Variants in DROSHA observed in about 807,000 individuals in gnomAD.
DROSHA encodes the protein ribonuclease 3.
In DROSHA, 56 loss-of-function variants were observed where a neutral mutation model predicts 181.9. The observed-to-expected ratio is 0.31, with a 90% CI of 0.25 to 0.38. The LOEUF (loss-of-function observed/expected upper bound fraction) is 0.38, where lower values mean the gene tolerates loss of function less well. Among genes scored for constraint, DROSHA ranks in the 10% least tolerant of loss-of-function variants. The probability of loss-of-function intolerance (pLI) is 1.00; values close to 1 mark genes in which losing one functional copy is unlikely to be tolerated. For synonymous variants in DROSHA, 524 were observed against 591.2 expected (o/e 0.89, Z 1.65); for missense variants, 1,218 against 1,743.5 (o/e 0.70, Z 5.37).
chr5:31,424,371 G>C (rs1444822735), intron 28 of DROSHA, 56 bp downstream of exon 28: 2 of 1,558,122 alleles, frequency 1.3e-6, no homozygotes, highest in African/African-American at 1.4e-5. Context: ...GCAAAGGAAA[G>C]TAACATGAAT....
chr5:31,508,841 T>C, intron 9 of DROSHA, 66 bp from the exon 10 acceptor site: 1 of 851,048 alleles, frequency 1.2e-6, no homozygotes. Flanking sequence ...TTTTTTTCCC[T>C]GAGTTGGAGT....
chr5:31,468,199 C>G (rs1749314532), intron 17 of DROSHA, 136 bp from the exon 18 acceptor site: 1 of 954,400 alleles, frequency 1.0e-6, no homozygotes. Context: ...ATTTAAAACC[C>G]TTTAATTACA....
Position 31,410,850 on chromosome 5 carries a change from G to C in DROSHA, c.3563C>G (p.Ala1188Gly), listed in dbSNP as rs1371391530. ...CATGCCCAGCTCCTCCGCTACCTTG[G>C]CCTGAGTTCTATTATTCACCAAAGA... is the stretch of plus-strand genomic sequence containing the variant. ...RSSLVNNRTQ[A>G]KVAEELGMQE... The change falls in exon 31 of 36, where the codon GCC becomes GGC. Residue 1188 changes from alanine (A) to glycine (G), a missense_variant. Physicochemically the swap from Ala to Gly is moderately conservative, Grantham distance 60. This residue lies in a region of DROSHA where 23 missense variants were observed against 90.6 expected (regional missense o/e 0.25). Coordinates refer to ENST00000344624, the MANE Select transcript of DROSHA (RefSeq NM_001382508.1). 24 of 1,613,800 alleles carry C rather than the reference G, an allele frequency of 1.5e-5. No homozygotes were observed. The highest frequency in any genetic ancestry group is 2.0e-5 in the Non-Finnish European group (24 of 1,179,826).
Position 31,526,738 on chromosome 5 carries a change from G to A in DROSHA, c.195C>T (p.Asn65=). 1 of 1,582,004 alleles carries A rather than the reference G, an allele frequency of 6.3e-7. No individual in the cohort carries two copies. Among genetic ancestry groups the A allele is most frequent in the Non-Finnish European group, 8.6e-7 (1 of 1,166,546 alleles). ...GAGGGAGAAAATTGGGGGCTGGAGA[G>A]TTTGAGAAAGTGGTGGAAGGGGCAC... is the stretch of plus-strand genomic sequence containing the variant. ...PPSAPSTTFS[N]SPAPNFLPPR... is the part of the protein sequence containing the mutation. The change falls in exon 5 of 36, where the codon AAC becomes AAT. Residue 65 remains asparagine (N), a synonymous_variant. Coordinates refer to ENST00000344624, the MANE Select transcript of DROSHA (RefSeq NM_001382508.1).
intron 10 of DROSHA, among the ~76,000 whole-genome samples, chr5:31,508,025 G>C (rs1738191097): frequency 6.6e-6 from 1 of 152,042 alleles, no homozygotes; most frequent in Non-Finnish European, 1.5e-5. Flanking sequence ...TTACAGATAT[G>C]CCTTAGCTTC....
At chr5:31,471,962 T>C (rs1419174575) in intron 17 of DROSHA, 101 bp downstream of exon 17, 1 of 1,124,078 alleles carries the variant, frequency 8.9e-7, no homozygotes, top group Non-Finnish European at 1.2e-6. Context: ...GAGCAGTGAC[T>C]ACCTAAAACT....
intron 10 of DROSHA, among the ~76,000 whole-genome samples, chr5:31,506,955 T>C (rs1039612791): frequency 1.3e-5 from 2 of 152,122 alleles, no homozygotes; most frequent in Admixed American, 1.3e-4. Context: ...GAATTTCTGA[T>C]AGAAACAGGT....
At chr5:31,529,659 T>C (rs1741011094) in intron 3 of DROSHA, among the ~76,000 whole-genome samples, 1 of 145,544 alleles carries the variant, frequency 6.9e-6, no homozygotes, top group African/African-American at 2.6e-5. Flanking sequence ...GACATGAACC[T>C]GGGAGGCAGA....
At chr5:31,529,607 C>T (rs1356633076) in intron 3 of DROSHA, among the ~76,000 whole-genome samples, 10 of 151,758 alleles carry the variant, frequency 6.6e-5, no homozygotes, top group Non-Finnish European at 1.5e-4. Flanking sequence ...TGGTGGTGGG[C>T]GCCTGTAGTC....
intron 6 of DROSHA, among the ~76,000 whole-genome samples, chr5:31,518,805 T>G (rs6450848): frequency 0.98 from 148,542 of 152,320 alleles, 72,464 homozygotes; most frequent in East Asian, 1. Context: ...AGACATTTCA[T>G]CATGTTCTAA....
intron 30 of DROSHA, among the ~76,000 whole-genome samples, chr5:31,418,279 G>C (rs185113670): frequency 1.3e-3 from 202 of 152,016 alleles, no homozygotes; most frequent in African/African-American, 4.6e-3. Flanking sequence ...GAGAGAGAGA[G>C]ACACAGAGAG....
rs1741285535 is a variant in DROSHA, at chr5:31,411,373, T to C, written c.3526-486A>G. ...TCCAAACAAATTCCCAGCATCTCCA[T>C]GCAGTGAATCCTTCCCAACCCCTGA... On this transcript the variant is annotated intron_variant, in intron 30 of 35. Transcript: ENST00000344624. This position sits in a 1 kb window ranked among gnomAD's most constrained non-coding sequence, Gnocchi z 4.2. Among the ~76,000 whole-genome samples, 1 of 152,134 alleles carries C rather than the reference T, an allele frequency of 6.6e-6. No homozygotes were observed. Among genetic ancestry groups the C allele is most frequent in the Admixed American group, 6.6e-5 (1 of 15,266 alleles).
intron 23 of DROSHA, among the ~76,000 whole-genome samples, chr5:31,441,133 A>G (rs1007372821): frequency 6.6e-6 from 1 of 151,534 alleles, no homozygotes; most frequent in East Asian, 1.9e-4. Flanking sequence ...AAAAAAAAAA[A>G]GGGCAGGCCA....
chr5:31,454,833 G>C (rs1018793935), intron 20 of DROSHA, among the ~76,000 whole-genome samples: 7 of 151,498 alleles, frequency 4.6e-5, no homozygotes, highest in Admixed American at 2.6e-4. Context: ...CCTGCTACTC[G>C]GGAGGCTGAG....
chr5:31,469,779 T>C (rs1018918781), intron 17 of DROSHA, among the ~76,000 whole-genome samples: 2 of 152,196 alleles, frequency 1.3e-5, no homozygotes, highest in Non-Finnish European at 2.9e-5. Context: ...CTACACCCTA[T>C]AACATTTATT....
In DROSHA at chr5:31,484,079, A is replaced by T. The variant is rs560111696; in HGVS notation, c.1997-451T>A. Among the ~76,000 whole-genome samples the T allele has an allele frequency of 2.0e-5, 3 of 152,280 alleles. No individual in the cohort carries two copies. The East Asian group carries it at 5.8e-4, about 29-fold the overall frequency. On this transcript the variant is annotated intron_variant, in intron 15 of 35. Transcript: ENST00000344624. ...TAAGTAACTGTTTGCTAGAATACGG[A>T]TACTTCCAACCGCTGGGCGCAGTGG...
intron 17 of DROSHA, among the ~76,000 whole-genome samples, chr5:31,471,019 C>T (rs1749663681): frequency 6.6e-6 from 1 of 152,122 alleles, no homozygotes; most frequent in South Asian, 2.1e-4. Context: ...TGTGGCTTAA[C>T]AGTATAACAG....
chr5:31,464,981 A>T (rs866836745), intron 19 of DROSHA, among the ~76,000 whole-genome samples: 12 of 151,784 alleles, frequency 7.9e-5, no homozygotes, highest in Admixed American at 1.3e-4. Flanking sequence ...CCCACTATTG[A>T]TTAAGTTCCT....
Position 31,405,667 on chromosome 5 carries a change from A to C in DROSHA, c.3994+10T>G. On this transcript the variant is annotated intron_variant, in intron 35 of 35. Transcript: ENST00000344624. ...TATGAACATAATTATAGAAAAAAAA[A>C]CAGGCTTACATTTTTCAAGCGCATC... 2 of 1,553,578 alleles carry C rather than the reference A, an allele frequency of 1.3e-6. No individual in the cohort carries two copies.
Sources: allele counts gnomAD v4.1 joint callset (sites outside exome capture counted in the v4.1 genomes callset), GRCh38; gene constraint gnomAD v4.1.1; regional missense constraint gnomAD v4.1.1; non-coding constraint Gnocchi (gnomAD v3.1); transcripts MANE v1.5; gene names NCBI Gene and HGNC (gene_info 2026-07-23, HGNC 2026-07-21).